Variants in TTLL11 observed in about 807,000 individuals in gnomAD.
TTLL11 encodes the protein tubulin polyglutamylase TTLL11.
TTLL11 carries 42 observed loss-of-function variants against 51.7 expected under a neutral mutation model. The ratio of observed to expected loss-of-function variants is 0.81; its 90% CI spans 0.64 to 1.05. The LOEUF (loss-of-function observed/expected upper bound fraction) is 1.05. Ranked by LOEUF, TTLL11 falls within the 50% of genes least tolerant of loss-of-function variation. The pLI is 0.00. For missense variants in TTLL11, 799 were observed against 940.4 expected, an observed-to-expected ratio of 0.85 and a Z score of 1.97; for synonymous variants, 381 against 383.5, an observed-to-expected ratio of 0.99 and a Z score of 0.08.
At chr9:121,870,901 C>A (rs1838335173) in intron 6 of TTLL11, among the ~76,000 whole-genome samples, 153 bp from the exon 7 acceptor site, 1 of 152,082 alleles carries the variant, frequency 6.6e-6, no homozygotes, top group South Asian at 2.1e-4. Context: ...CCCAAGCTCA[C>A]ACAGCTAGCA....
rs1588097805 is a variant in TTLL11, at chr9:121,889,310, G to T, written c.1482-18562C>A. 3.9e-5 allele frequency among the ~76,000 whole-genome samples: 6 copies of T among 152,182 alleles called. No individual in the cohort carries two copies. The South Asian group carries it at 1.2e-3, about 32-fold the overall frequency. On this transcript the variant is annotated intron_variant, in intron 6 of 8. Transcript: ENST00000321582. ...GCACGAGGAGCTCTGGAGTTGGGCT[G>T]GATTTGCTCGCTATGTGATTTTGGG...
chr9:121,908,392 G>C (rs1371749767), intron 6 of TTLL11, among the ~76,000 whole-genome samples: 1 of 152,120 alleles, frequency 6.6e-6, no homozygotes, highest in Non-Finnish European at 1.5e-5. Flanking sequence ...CGGGGCCAAG[G>C]CAGCATCATA....
intron 8 of TTLL11, among the ~76,000 whole-genome samples, 170 bp from the exon 9 acceptor site, chr9:121,823,049 G>A (rs932706496): frequency 1.4e-4 from 22 of 152,190 alleles, no homozygotes; most frequent in Non-Finnish European, 3.1e-4. Context: ...TGCCCACTGT[G>A]CCCACCAGGC....
intron 3 of TTLL11, among the ~76,000 whole-genome samples, chr9:122,023,704 C>T (rs13294735): frequency 0.29 from 43,242 of 151,258 alleles, 6,593 homozygotes; most frequent in African/African-American, 0.35. Flanking sequence ...ATATGATCAT[C>T]TCAGTAGACA....
intron 8 of TTLL11, among the ~76,000 whole-genome samples, chr9:121,859,081 A>G (rs1837918877): frequency 6.6e-6 from 1 of 151,932 alleles, no homozygotes; most frequent in Admixed American, 6.6e-5. Context: ...GAGACTCATA[A>G]TGCCTACTGC....
At chr9:122,017,402 T>C (rs1036359712) in intron 3 of TTLL11, among the ~76,000 whole-genome samples, 2 of 151,832 alleles carry the variant, frequency 1.3e-5, no homozygotes, top group Non-Finnish European at 2.9e-5. Context: ...GCGAGGATAT[T>C]CCCTTCAGCA....
At chr9:122,046,130 C>T (rs541164888) in intron 1 of TTLL11, among the ~76,000 whole-genome samples, 38 of 152,244 alleles carry the variant, frequency 2.5e-4, no homozygotes, top group African/African-American at 6.3e-4. Flanking sequence ...TTTGTGTCCC[C>T]GCCCAAGTTT....
chr9:122,023,023 C>T (rs1318296454), intron 3 of TTLL11, among the ~76,000 whole-genome samples: 2 of 151,404 alleles, frequency 1.3e-5, no homozygotes, highest in East Asian at 3.9e-4. Flanking sequence ...AGCTATTATG[C>T]CAACAAAGGA....
intron 6 of TTLL11, among the ~76,000 whole-genome samples, chr9:121,917,969 ATT>A (rs11337199): frequency 5.4e-5 from 8 of 148,126 alleles, no homozygotes; most frequent in African/African-American, 4.9e-5. Context: ...AAAAGTAGGC[ATT>A]TTTTTTTTTT....
At chr9:121,985,239 C>T (rs1166304757) in intron 4 of TTLL11, among the ~76,000 whole-genome samples, 2 of 152,160 alleles carry the variant, frequency 1.3e-5, no homozygotes, top group African/African-American at 2.4e-5. Context: ...TCTATCTGCA[C>T]GGAACATTAC....
intron 6 of TTLL11, among the ~76,000 whole-genome samples, chr9:121,908,023 T>C (rs1053384988): frequency 6.6e-6 from 1 of 152,166 alleles, no homozygotes; most frequent in East Asian, 1.9e-4. Flanking sequence ...GGGGTGATTA[T>C]AGCTATTTCC....
chr9:122,029,268 C>A (rs1332620201), intron 3 of TTLL11, among the ~76,000 whole-genome samples: 5 of 152,084 alleles, frequency 3.3e-5, no homozygotes, highest in Admixed American at 3.3e-4. Flanking sequence ...TGTACTCCTT[C>A]TACTTCTAAA....
At chr9:121,922,534 T>C (rs1465591276) in intron 6 of TTLL11, among the ~76,000 whole-genome samples, 1 of 152,202 alleles carries the variant, frequency 6.6e-6, no homozygotes. Flanking sequence ...CTAGTGCCCC[T>C]AGAATTAGTA....
intron 3 of TTLL11, among the ~76,000 whole-genome samples, chr9:121,993,992 G>A (rs1843182549): frequency 6.6e-6 from 1 of 152,170 alleles, no homozygotes. Flanking sequence ...CACGGTGCAT[G>A]CCAGACAGGA....
At chr9:121,832,080 C>T (rs1430167277) in intron 8 of TTLL11, among the ~76,000 whole-genome samples, 1 of 152,106 alleles carries the variant, frequency 6.6e-6, no homozygotes, top group Non-Finnish European at 1.5e-5. Flanking sequence ...AGGGACCCAC[C>T]CTTATGACCT....
chr9:121,842,429 T>C (rs1309214203), intron 8 of TTLL11, among the ~76,000 whole-genome samples: 1 of 152,090 alleles, frequency 6.6e-6, no homozygotes, highest in African/African-American at 2.4e-5. Context: ...GGCTAATGTT[T>C]TTGTAACTTT....
intron 8 of TTLL11, among the ~76,000 whole-genome samples, chr9:121,835,420 A>G (rs1258454707): frequency 6.6e-6 from 1 of 152,144 alleles, no homozygotes; most frequent in East Asian, 1.9e-4. Flanking sequence ...CCCAACCCAG[A>G]TGGAAATCTC....
At chr9:121,996,187 C>G (rs1843254222) in intron 3 of TTLL11, among the ~76,000 whole-genome samples, 1 of 152,188 alleles carries the variant, frequency 6.6e-6, no homozygotes, top group South Asian at 2.1e-4. Flanking sequence ...TGCACCCTGG[C>G]AGTCTCACTT....
At position 121,821,877 on chromosome 9, in the gene TTLL11, T is replaced by C. The variant is rs1008681389; in HGVS notation, c.*710A>G. 1.1e-4 allele frequency: 16 copies of C among 152,166 alleles called. No individual in the cohort carries two copies. The highest frequency in any genetic ancestry group is 5.2e-4 in the Admixed American group (8 of 15,290). 9.4% of individuals were successfully genotyped at this position (152,166 alleles called of 1,614,324 possible). On this transcript the variant is annotated 3_prime_UTR_variant, in exon 9 of 9. Coordinates refer to ENST00000321582, the MANE Select transcript of TTLL11 (RefSeq NM_001139442.2). The surrounding 1 kb of genome is among the most constrained non-coding windows in gnomAD (Gnocchi z 5.0). ...ACCATCTGGTCAGGGAGGCTAAAGA[T>C]GGGATTCCTGCTTTGGGGTCACAGT...
Sources: allele counts gnomAD v4.1 joint callset (sites outside exome capture counted in the v4.1 genomes callset), GRCh38; gene constraint gnomAD v4.1.1; non-coding constraint Gnocchi (gnomAD v3.1); transcripts MANE v1.5; gene names NCBI Gene and HGNC (gene_info 2026-07-23, HGNC 2026-07-21).